Variants in PIK3C2A observed in about 807,000 individuals in gnomAD.
PIK3C2A encodes the protein phosphatidylinositol 4-phosphate 3-kinase C2 domain-containing subunit alpha.
PIK3C2A carries 97 observed loss-of-function variants against 204.5 expected under a neutral mutation model. The ratio of observed to expected loss-of-function variants is 0.47; its 90% CI spans 0.40 to 0.56. PIK3C2A has a LOEUF of 0.56. Ranked by LOEUF, PIK3C2A falls within the 20% of genes least tolerant of loss-of-function variation. The pLI, the probability that PIK3C2A is intolerant of heterozygous loss-of-function variation, is 0.00. For missense variants in PIK3C2A, 1,735 were observed against 1,969.2 expected, an observed-to-expected ratio of 0.88 and a Z score of 2.25; for synonymous variants, 653 against 664.4, an observed-to-expected ratio of 0.98 and a Z score of 0.26.
At position 17,129,445 on chromosome 11, in the gene PIK3C2A, A is replaced by G. The variant is rs766120676; in HGVS notation, c.2254T>C (p.Ser752Pro). The change falls in exon 13 of 33, where the codon TCA becomes CCA. Residue 752 changes from serine to proline, a missense_variant. Around this residue, in one of 6 missense-constraint regions of PIK3C2A, gnomAD observed 567 missense variants for 576.0 expected, o/e 0.98. Coordinates refer to ENST00000691414, the MANE Select transcript of PIK3C2A (RefSeq NM_002645.4). Reference sequence around the variant, plus strand: ...AGAACTGATTCTAATGGCAATTGTGATATCTGGATAGGAAAAATGATTCTA... The same window carrying G: ...AGAACTGATTCTAATGGCAATTGTGGTATCTGGATAGGAAAAATGATTCTA... Reference protein sequence around the residue: ...DELIIFPIQISQLPLESVLHL... With the variant: ...DELIIFPIQIPQLPLESVLHL... 16 of 1,605,884 alleles carry G rather than the reference A, an allele frequency of 1.0e-5. No individual in the cohort carries two copies. The highest frequency in any genetic ancestry group is 1.2e-5 in the Non-Finnish European group (14 of 1,173,144).
chr11:17,127,528 C>T (rs1420451612), intron 13 of PIK3C2A, among the ~76,000 whole-genome samples: 3 of 152,036 alleles, frequency 2.0e-5, no homozygotes, highest in Non-Finnish European at 2.9e-5. Context: ...AGACTGGTCT[C>T]GAACTCCTGA....
chr11:17,142,484 A>G (rs932048270), intron 8 of PIK3C2A, among the ~76,000 whole-genome samples: 3 of 152,228 alleles, frequency 2.0e-5, no homozygotes, highest in Non-Finnish European at 2.9e-5. Context: ...AAAGAAAGAC[A>G]TGATCAACTG....
chr11:17,152,294 A>C (rs757566027), intron 3 of PIK3C2A, among the ~76,000 whole-genome samples: 6 of 152,274 alleles, frequency 3.9e-5, no homozygotes, highest in Admixed American at 1.3e-4. Context: ...GGAAGATACC[A>C]GATCCAGAAA....
chr11:17,182,667 A>G (rs1223295355), intron 1 of PIK3C2A, among the ~76,000 whole-genome samples: 1 of 151,972 alleles, frequency 6.6e-6, no homozygotes. Context: ...TTCATTTGCC[A>G]ATCTAGAGGC....
At chr11:17,120,906 T>C in intron 15 of PIK3C2A, among the ~76,000 whole-genome samples, 1 of 151,892 alleles carries the variant, frequency 6.6e-6, no homozygotes, top group East Asian at 1.9e-4. Context: ...GCCTCCCAGG[T>C]TCAAGCGATT....
chr11:17,086,991 A>AT lies in PIK3C2A; in HGVS notation c.*2746dup, dbSNP rs1405524747. On this transcript the variant is annotated 3_prime_UTR_variant, in exon 33 of 33. Coordinates refer to ENST00000691414, the MANE Select transcript of PIK3C2A (RefSeq NM_002645.4). Reference sequence around the variant, plus strand: ...TGCCTTAACATTTAGATACCTATAGATTCATATAAAGGCAGTAATAAAAAT... The same window carrying AT: ...TGCCTTAACATTTAGATACCTATAGATTTCATATAAAGGCAGTAATAAAAAT... The AT allele has an allele frequency of 2.6e-5, 4 of 152,212 alleles. 1 individual carries two copies. The highest frequency in any genetic ancestry group is 2.6e-4 in the Admixed American group (4 of 15,284). The allele number at this position is 152,212 out of a possible 1,614,324, so 9.4% of individuals were successfully genotyped here.
intron 1 of PIK3C2A, among the ~76,000 whole-genome samples, chr11:17,195,424 A>G (rs1195276972): frequency 7.3e-5 from 11 of 151,004 alleles, no homozygotes; most frequent in African/African-American, 2.4e-4. Context: ...AGAAAAAAAA[A>G]AAATTAGAAA....
intron 1 of PIK3C2A, among the ~76,000 whole-genome samples, chr11:17,181,677 C>CGATTTGATTCATAT: frequency 7.9e-6 from 1 of 127,140 alleles, no homozygotes; most frequent in Non-Finnish European, 1.7e-5. Context: ...CACACACACA[C>CGATTTGATTCATAT]ACACACACAC....
chr11:17,200,920 T>C (rs1852348925), intron 1 of PIK3C2A, among the ~76,000 whole-genome samples: 1 of 152,176 alleles, frequency 6.6e-6, no homozygotes, highest in African/African-American at 2.4e-5. Flanking sequence ...AACTAGGCGA[T>C]TCAAGCCGGG....
intron 5 of PIK3C2A, chr11:17,148,439 A>G (rs991407410): frequency 1.1e-5 from 5 of 450,852 alleles, no homozygotes; most frequent in Non-Finnish European, 2.0e-5. Flanking sequence ...TAAAGACTAC[A>G]AGCTCCTTAA....
In PIK3C2A at chr11:17,102,810, AATAG is replaced by A. The variant is rs1848683436; in HGVS notation, c.3699_3702del (p.Tyr1234ProfsTer7). ...GTGGCTACACAGCATCCAGCACAGGAATAGATAAAGTTCTCTGAAGCCTATAAAA... is the reference window on the plus strand; with the variant it reads ...GTGGCTACACAGCATCCAGCACAGGAATAAAGTTCTCTGAAGCCTATAAAA... On this transcript the variant is annotated frameshift_variant, in exon 24 of 33. Transcript: ENST00000691414. LOFTEE classifies it high-confidence loss of function. 6.2e-7 allele frequency: 1 copy of A among 1,602,606 alleles called. No homozygotes were observed. The highest frequency in any genetic ancestry group is 8.5e-7 in the Non-Finnish European group (1 of 1,174,794).
intron 28 of PIK3C2A, among the ~76,000 whole-genome samples, 177 bp downstream of exon 28, chr11:17,094,084 A>T (rs1848388525): frequency 6.6e-6 from 1 of 152,224 alleles, no homozygotes; most frequent in Non-Finnish European, 1.5e-5. Flanking sequence ...TCATTCAACA[A>T]AAACTTCCAG....
At chr11:17,133,550 CTTT>C (rs34062283) in intron 11 of PIK3C2A, among the ~76,000 whole-genome samples, 1 of 152,102 alleles carries the variant, frequency 6.6e-6, no homozygotes, top group Non-Finnish European at 1.5e-5. Context: ...CTTCAGTAGA[CTTT>C]TTTATAGCAT....
chr11:17,135,675 ATATGTGTGTGTGTGTGTGTGTG>A (rs1449266847), intron 9 of PIK3C2A, among the ~76,000 whole-genome samples: 3 of 87,868 alleles, frequency 3.4e-5, no homozygotes, highest in African/African-American at 1.3e-4. Flanking sequence ...GTAATTTCAT[ATATGTGTGTGTGTGTGTGTGTG>A]TGTGTGTGTG....
chr11:17,152,834 A>G (rs914670167), intron 3 of PIK3C2A, among the ~76,000 whole-genome samples: 1 of 152,076 alleles, frequency 6.6e-6, no homozygotes, highest in East Asian at 1.9e-4. Flanking sequence ...AAAAAGAAGA[A>G]AAGAGATAAA....
intron 12 of PIK3C2A, among the ~76,000 whole-genome samples, chr11:17,130,800 C>A (rs766234024): frequency 2.2e-4 from 32 of 142,620 alleles, no homozygotes; most frequent in Non-Finnish European, 4.0e-4. Flanking sequence ...GAGTGAGACT[C>A]CATCTCAAAA....
chr11:17,190,513 G>A (rs1851903629), intron 1 of PIK3C2A, among the ~76,000 whole-genome samples: 1 of 150,802 alleles, frequency 6.6e-6, no homozygotes, highest in South Asian at 2.1e-4. Context: ...AGAGGTTGCA[G>A]TGAGCCGAGA....
At chr11:17,183,505 G>A (rs921634488) in intron 1 of PIK3C2A, among the ~76,000 whole-genome samples, 19 of 151,958 alleles carry the variant, frequency 1.3e-4, no homozygotes, top group Non-Finnish European at 2.4e-4. Context: ...GTGAAACCCC[G>A]TCTCTACTAA....
chr11:17,124,057 A>T (rs1426712704), intron 13 of PIK3C2A, among the ~76,000 whole-genome samples: 4 of 151,780 alleles, frequency 2.6e-5, no homozygotes, highest in Non-Finnish European at 5.9e-5. Flanking sequence ...ATATATGGGG[A>T]TGGGCCTCAC....
Sources: gnomAD v4.1 joint callset for allele counts (sites outside exome capture counted in the v4.1 genomes callset) on GRCh38, gnomAD v4.1.1 for gene constraint, gnomAD v4.1.1 regional missense constraint, MANE v1.5 for transcripts, NCBI Gene and HGNC (gene_info 2026-07-23, HGNC 2026-07-21) for gene names.